LDLRAD3: variants seen among roughly 807,000 people sequenced by gnomAD.
The protein encoded by LDLRAD3 is low density lipoprotein receptor class A domain containing 3.
In LDLRAD3, 20 loss-of-function variants were observed where a neutral mutation model predicts 29.4. The ratio of observed to expected loss-of-function variants is 0.68; its 90% confidence interval spans 0.48 to 0.99. The LOEUF is 0.99. LDLRAD3 is among the 50% of genes least tolerant of loss of function. The pLI, the probability that LDLRAD3 is intolerant of heterozygous loss-of-function variation, is 0.00. For missense variants in LDLRAD3, 420 were observed against 454.3 expected (o/e 0.92, Z 0.69); for synonymous variants, 157 against 192.7 (o/e 0.81, Z 1.53).
At chr11:36,136,312 T>C (rs1854003860) in intron 4 of LDLRAD3, among the ~76,000 whole-genome samples, 1 of 152,188 alleles carries the variant, frequency 6.6e-6, no homozygotes, top group African/African-American at 2.4e-5. Flanking sequence ...TTTTCCTATT[T>C]CACAATTGAG....
intron 1 of LDLRAD3, among the ~76,000 whole-genome samples, chr11:35,957,869 G>T (rs747093385): frequency 6.7e-6 from 1 of 150,192 alleles, no homozygotes; most frequent in South Asian, 2.1e-4. Flanking sequence ...TTTTAAGTGG[G>T]TGATTCTAAT....
intron 4 of LDLRAD3, among the ~76,000 whole-genome samples, chr11:36,198,317 A>G: frequency 6.6e-6 from 1 of 152,160 alleles, no homozygotes; most frequent in Non-Finnish European, 1.5e-5. Flanking sequence ...AATCATAGCC[A>G]TTATTAACAT....
intron 1 of LDLRAD3, among the ~76,000 whole-genome samples, chr11:35,994,715 T>G (rs2133170957): frequency 6.6e-6 from 1 of 152,378 alleles, no homozygotes; most frequent in Non-Finnish European, 1.5e-5. Context: ...CTTTCAAAAT[T>G]GGAGTCAGTC....
At chr11:36,026,690 A>G (rs755214032) in intron 1 of LDLRAD3, among the ~76,000 whole-genome samples, 1 of 152,240 alleles carries the variant, frequency 6.6e-6, no homozygotes, top group Non-Finnish European at 1.5e-5. Flanking sequence ...CTCATTGCTC[A>G]TTATATGCTA....
chr11:36,153,226 G>T (rs995378914), intron 4 of LDLRAD3, among the ~76,000 whole-genome samples: 1 of 152,068 alleles, frequency 6.6e-6, no homozygotes, highest in African/African-American at 2.4e-5. Context: ...AGTTGTAGAT[G>T]TGGTATCCCC....
At chr11:36,187,872 A>G (rs890177660) in intron 4 of LDLRAD3, among the ~76,000 whole-genome samples, 3 of 152,188 alleles carry the variant, frequency 2.0e-5, no homozygotes, top group Non-Finnish European at 2.9e-5. Context: ...GTTAGATTGA[A>G]TTTCAAGAGA....
chr11:36,226,624 A>G (rs943490581), intron 4 of LDLRAD3, among the ~76,000 whole-genome samples: 2 of 152,246 alleles, frequency 1.3e-5, no homozygotes, highest in African/African-American at 2.4e-5. Flanking sequence ...AACCATCACC[A>G]TAAACCAGTT....
rs1852301555 is a variant in LDLRAD3, at chr11:36,036,155, C to T, written c.99C>T (p.Gly33=). Residue 33 remains glycine (G), a synonymous_variant, in exon 2 of 6, where the codon GGC becomes GGT. Transcript: ENST00000315571. The part of the protein sequence containing the change: ...NNFTNECNIP[G]NFMCSNGRCI... Reference sequence around the variant, plus strand: ...TCACCAATGAGTGCAACATACCAGGCAACTTCATGTGCAGCAATGGACGGT... The same window carrying T: ...TCACCAATGAGTGCAACATACCAGGTAACTTCATGTGCAGCAATGGACGGT... The T allele has an allele frequency of 8.7e-6, 14 of 1,614,180 alleles. No homozygotes were observed. Among genetic ancestry groups the T allele is most frequent in the Non-Finnish European group, 1.2e-5 (14 of 1,180,012 alleles).
At chr11:36,019,610 G>A (rs151154952) in intron 1 of LDLRAD3, among the ~76,000 whole-genome samples, 58 of 152,164 alleles carry the variant, frequency 3.8e-4, no homozygotes, top group African/African-American at 1.3e-3. Flanking sequence ...ACCCCTTTAG[G>A]CTCCTTCATT....
At chr11:36,200,136 A>G (rs1385475960) in intron 4 of LDLRAD3, among the ~76,000 whole-genome samples, 1 of 152,198 alleles carries the variant, frequency 6.6e-6, no homozygotes, top group Non-Finnish European at 1.5e-5. Flanking sequence ...ACTGCATTTC[A>G]GCCTGGGTGA....
At chr11:36,042,767 G>A (rs896594596) in intron 2 of LDLRAD3, among the ~76,000 whole-genome samples, 9 of 152,216 alleles carry the variant, frequency 5.9e-5, no homozygotes, top group African/African-American at 1.9e-4. Flanking sequence ...TATGTACAGA[G>A]GGAAGATGAT....
intron 1 of LDLRAD3, among the ~76,000 whole-genome samples, chr11:36,013,988 T>TA (rs145184279): frequency 0.012 from 1,879 of 152,268 alleles, 41 homozygotes; most frequent in African/African-American, 0.043. Flanking sequence ...AGATACTTTG[T>TA]AAAAAAGTCT....
At chr11:36,195,653 G>A (rs1855021891) in intron 4 of LDLRAD3, among the ~76,000 whole-genome samples, 1 of 152,154 alleles carries the variant, frequency 6.6e-6, no homozygotes, top group Non-Finnish European at 1.5e-5. Flanking sequence ...GCCCTTCGAT[G>A]CATCAGACTT....
At chr11:36,200,381 G>T (rs896551962) in intron 4 of LDLRAD3, among the ~76,000 whole-genome samples, 1 of 151,998 alleles carries the variant, frequency 6.6e-6, no homozygotes, top group African/African-American at 2.4e-5. Context: ...TAGCATGGGG[G>T]TCCCACTCTC....
chr11:36,105,384 G>T (rs1167965002), intron 4 of LDLRAD3, among the ~76,000 whole-genome samples: 1 of 152,132 alleles, frequency 6.6e-6, no homozygotes, highest in Non-Finnish European at 1.5e-5. Context: ...CTGGCTGCAT[G>T]CAGGGATATA....
chr11:36,007,314 G>GC (rs1368054364), intron 1 of LDLRAD3, among the ~76,000 whole-genome samples: 3 of 152,098 alleles, frequency 2.0e-5, no homozygotes, highest in Non-Finnish European at 2.9e-5. Context: ...ATGTTTGTTG[G>GC]CACTGAATTG....
At chr11:36,093,861 T>A (rs1293319764) in intron 3 of LDLRAD3, among the ~76,000 whole-genome samples, 1 of 152,190 alleles carries the variant, frequency 6.6e-6, no homozygotes. Flanking sequence ...GGGCTTTTTA[T>A]GGACTCAGAA....
At chr11:36,123,086 T>C (rs1371084443) in intron 4 of LDLRAD3, among the ~76,000 whole-genome samples, 1 of 150,326 alleles carries the variant, frequency 6.7e-6, no homozygotes, top group African/African-American at 2.5e-5. Context: ...GCTTGGGAGG[T>C]TGAGGTGGGA....
At position 35,944,168 on chromosome 11, in the gene LDLRAD3, A is replaced by G; in HGVS notation, c.46+24A>G. 1 of 1,006,792 alleles carries G rather than the reference A, an allele frequency of 9.9e-7. No homozygotes were observed. The highest frequency in any genetic ancestry group is 1.2e-6 in the Non-Finnish European group (1 of 845,444). 62.4% of individuals were successfully genotyped at this position (1,006,792 alleles called of 1,614,324 possible). A position where few individuals can be genotyped will look rare whatever the true frequency, so the allele number is the denominator to read the frequency against. On this transcript the variant is annotated intron_variant, in intron 1 of 5. Transcript: ENST00000315571. The surrounding 1 kb of genome is among the most constrained non-coding windows in gnomAD (Gnocchi z 4.9). ...GGGTGAGTCGGGGGGCGGCCGGCGA[A>G]CTTCCCGCGGGGCGCGGGGCGCGGG...
Sources: gnomAD v4.1 joint callset for allele counts (sites outside exome capture counted in the v4.1 genomes callset) on GRCh38, gnomAD v4.1.1 for gene constraint, Gnocchi (gnomAD v3.1) non-coding constraint, MANE v1.5 for transcripts, NCBI Gene and HGNC (gene_info 2026-07-23, HGNC 2026-07-21) for gene names.